PDE4D: variants seen among roughly 807,000 people sequenced by gnomAD.
PDE4D encodes phosphodiesterase 4D, also known as 3',5'-cyclic-AMP phosphodiesterase 4D.
PDE4D carries 24 observed loss-of-function variants against 87.4 expected under a neutral mutation model. The ratio of observed to expected loss-of-function variants is 0.27; its 90% CI spans 0.20 to 0.39. The LOEUF (loss-of-function observed/expected upper bound fraction) is 0.39, where lower values mean the gene tolerates loss of function less well. Among genes scored for constraint, PDE4D ranks in the 10% least tolerant of loss-of-function variants. The probability of loss-of-function intolerance (pLI) is 1.00; values close to 1 mark genes in which losing one functional copy is unlikely to be tolerated. For missense variants in PDE4D, 714 were observed against 1,041.0 expected (o/e 0.69, Z 4.32); for synonymous variants, 384 against 383.2 (o/e 1.00, Z -0.02).
At chr5:59,024,765 T>C (rs1755894483) in intron 6 of PDE4D, among the ~76,000 whole-genome samples, 1 of 152,208 alleles carries the variant, frequency 6.6e-6, no homozygotes, top group Admixed American at 6.5e-5. Context: ...CAAAACCCAA[T>C]TATCACTTAC....
chr5:60,092,891 G>A (rs1390669705), intron 2 of PDE4D, among the ~76,000 whole-genome samples: 3 of 152,216 alleles, frequency 2.0e-5, no homozygotes, highest in Non-Finnish European at 4.4e-5. Flanking sequence ...AGTCATAGGG[G>A]AAGCATGACT....
Position 59,286,078 on chromosome 5 carries a change from C to T in PDE4D, c.456-70110G>A, listed in dbSNP as rs144669737. On this transcript the variant is annotated intron_variant, in intron 1 of 14. Transcript: ENST00000340635. ...CGTATTTGTATCAACCACATGAAGA[C>T]TGTATATCCATGTACTGGATGAGAG... Among the ~76,000 whole-genome samples, 530 of 152,284 alleles carry T rather than the reference C, an allele frequency of 3.5e-3. 4 individuals are homozygous for T. Among genetic ancestry groups the T allele is most frequent in the Admixed American group, 5.6e-3 (85 of 15,290 alleles).
chr5:59,468,236 G>C (rs533178550), intron 1 of PDE4D, among the ~76,000 whole-genome samples: 9 of 149,290 alleles, frequency 6.0e-5, no homozygotes, highest in Non-Finnish European at 4.4e-5. Context: ...GCATCTTCCT[G>C]TACTGTTAGT....
intron 1 of PDE4D, among the ~76,000 whole-genome samples, chr5:59,413,208 A>G (rs934348462): frequency 6.6e-6 from 1 of 152,166 alleles, no homozygotes; most frequent in African/African-American, 2.4e-5. Flanking sequence ...CTGTAATCCC[A>G]GCACTTTGGG....
chr5:59,619,915 TGC>T (rs1278054813), intron 1 of PDE4D, among the ~76,000 whole-genome samples: 2 of 152,224 alleles, frequency 1.3e-5, no homozygotes, highest in African/African-American at 4.8e-5. Flanking sequence ...CATGAAAATT[TGC>T]TTTAGCACTG....
intron 1 of PDE4D, among the ~76,000 whole-genome samples, chr5:59,721,071 T>C (rs7700279): frequency 1.3e-5 from 2 of 151,972 alleles, no homozygotes; most frequent in African/African-American, 4.8e-5. Context: ...TACTAAAATA[T>C]AGGGGAGTAA....
At chr5:60,431,919 G>A (rs1035488786) in intron 1 of PDE4D, among the ~76,000 whole-genome samples, 7 of 152,212 alleles carry the variant, frequency 4.6e-5, no homozygotes, top group Non-Finnish European at 7.3e-5. Flanking sequence ...AAAAAAATAC[G>A]AAAACCTGTC....
At chr5:60,462,953 A>G (rs1747072677) in intron 1 of PDE4D, among the ~76,000 whole-genome samples, 1 of 152,222 alleles carries the variant, frequency 6.6e-6, no homozygotes, top group African/African-American at 2.4e-5. Flanking sequence ...TTTCCTACAA[A>G]GTTTGCTCAA....
At chr5:60,311,211 G>T (rs139344541) in intron 1 of PDE4D, among the ~76,000 whole-genome samples, 4,233 of 152,160 alleles carry the variant, frequency 0.028, 174 homozygotes, top group African/African-American at 0.097. Context: ...TCGTAGAGAC[G>T]GGGTTTCTCC....
At chr5:60,031,566 A>C (rs1340290958) in intron 2 of PDE4D, among the ~76,000 whole-genome samples, 1 of 152,208 alleles carries the variant, frequency 6.6e-6, no homozygotes, top group Admixed American at 6.5e-5. Context: ...ATCCAAACCA[A>C]AGCAGATGTC....
At chr5:59,657,482 A>G (rs1489100057) in intron 1 of PDE4D, among the ~76,000 whole-genome samples, 4 of 152,176 alleles carry the variant, frequency 2.6e-5, no homozygotes, top group Non-Finnish European at 5.9e-5. Flanking sequence ...AACAGATTAA[A>G]GTTTTAGATA....
intron 1 of PDE4D, among the ~76,000 whole-genome samples, chr5:59,851,849 A>T (rs1007482393): frequency 6.6e-6 from 1 of 151,972 alleles, no homozygotes; most frequent in African/African-American, 2.4e-5. Context: ...TCTGCCAACA[A>T]CCTGGATGAG....
chr5:59,284,614 G>T (rs28595613), intron 1 of PDE4D, among the ~76,000 whole-genome samples: 45 of 134,576 alleles, frequency 3.3e-4, no homozygotes, highest in South Asian at 8.2e-4. Flanking sequence ...ACTGTTGGTG[G>T]GACTGTAAAC....
At chr5:59,094,403 T>A (rs1325586498) in intron 5 of PDE4D, among the ~76,000 whole-genome samples, 2 of 151,816 alleles carry the variant, frequency 1.3e-5, no homozygotes, top group Non-Finnish European at 2.9e-5. Context: ...TTAAAGGATA[T>A]GATCTAGGAG....
intron 1 of PDE4D, among the ~76,000 whole-genome samples, chr5:59,387,542 G>A (rs993539762): frequency 5.3e-5 from 8 of 152,004 alleles, no homozygotes; most frequent in African/African-American, 1.9e-4. Context: ...TAGTTCCATT[G>A]TATTTCCATA....
intron 1 of PDE4D, among the ~76,000 whole-genome samples, chr5:59,329,854 G>C (rs565298785): frequency 2.8e-4 from 42 of 152,256 alleles, no homozygotes; most frequent in African/African-American, 7.7e-4. Context: ...TTTATCTATA[G>C]TCAAAACAGT....
chr5:59,825,391 C>T (rs980116244), intron 1 of PDE4D, among the ~76,000 whole-genome samples: 4 of 152,064 alleles, frequency 2.6e-5, no homozygotes, highest in Non-Finnish European at 5.9e-5. Flanking sequence ...TACAGCATGC[C>T]ATGTCTGCCT....
intron 1 of PDE4D, among the ~76,000 whole-genome samples, chr5:60,317,336 C>T (rs890144058): frequency 6.6e-6 from 1 of 151,944 alleles, no homozygotes; most frequent in Admixed American, 6.6e-5. Context: ...TGGTGATATC[C>T]CTTTTATTAT....
chr5:60,036,069 T>C (rs192077483), intron 2 of PDE4D, among the ~76,000 whole-genome samples: 13 of 152,358 alleles, frequency 8.5e-5, no homozygotes, highest in Non-Finnish European at 1.5e-5. Flanking sequence ...CTGGAAATAT[T>C]ATAGTTATCA....
Sources: gnomAD v4.1 joint callset for allele counts (sites outside exome capture counted in the v4.1 genomes callset) on GRCh38, gnomAD v4.1.1 for gene constraint, MANE v1.5 for transcripts, NCBI Gene and HGNC (gene_info 2026-07-23, HGNC 2026-07-21) for gene names.